EFHB: variants seen among roughly 807,000 people sequenced by gnomAD.
EFHB encodes the protein EF-hand domain family member B, also known as EF-hand domain-containing family member B.
A neutral mutation model predicts 87.2 loss-of-function variants in EFHB; 91 were observed. That is an observed-to-expected ratio of 1.04 (90% confidence interval 0.88 to 1.24). The LOEUF (loss-of-function observed/expected upper bound fraction) is 1.24. Ranked by LOEUF, EFHB falls within the 50% of genes most tolerant of loss-of-function variation. The pLI, the probability that EFHB is intolerant of heterozygous loss-of-function variation, is 0.00. For synonymous variants in EFHB, 325 were observed against 333.6 expected, an observed-to-expected ratio of 0.97 and a Z score of 0.28; for missense variants, 1,084 against 998.8, an observed-to-expected ratio of 1.09 and a Z score of -1.15.
intron 4 of EFHB, among the ~76,000 whole-genome samples, chr3:19,915,993 T>C (rs1053477822): frequency 1.3e-5 from 2 of 151,948 alleles, no homozygotes; most frequent in Non-Finnish European, 2.9e-5. Flanking sequence ...AAAAACTATA[T>C]TATCAGTTAA....
In EFHB at chr3:19,898,826, C is replaced by G. The variant is rs1348367716; in HGVS notation, c.1522G>C (p.Val508Leu). ...GCTCCAAATGTGCAGTCTGGGGGAA[C>G]ATTCATTGTTTCTGCAATGCTATCA... Reference protein sequence around the residue: ...VLDPIAETMNVPPDCTFGACL... With the variant: ...VLDPIAETMNLPPDCTFGACL... Residue 508 changes from valine (V) to leucine (L), a missense_variant, in exon 8 of 13, where the codon GTT becomes CTT. By Grantham distance (32) the Val-to-Leu change is conservative. Transcript: ENST00000295824. 1 of 1,613,736 alleles carries G rather than the reference C, an allele frequency of 6.2e-7. No homozygotes were observed. Among genetic ancestry groups the G allele is most frequent in the South Asian group, 1.1e-5 (1 of 91,002 alleles).
At chr3:19,944,486 G>C (rs1490038261) in intron 1 of EFHB, among the ~76,000 whole-genome samples, 2 of 152,116 alleles carry the variant, frequency 1.3e-5, no homozygotes, top group Admixed American at 1.3e-4. Context: ...GTTATCTGGG[G>C]CTATGAAAAA....
intron 3 of EFHB, among the ~76,000 whole-genome samples, 161 bp downstream of exon 3, chr3:19,919,672 T>TA (rs1695369042): frequency 6.6e-6 from 1 of 152,212 alleles, no homozygotes; most frequent in Admixed American, 6.5e-5. Flanking sequence ...GGCTTTTTTT[T>TA]ACTGCTCAAG....
chr3:19,885,347 G>C (rs1409858405), intron 10 of EFHB, among the ~76,000 whole-genome samples: 1 of 152,126 alleles, frequency 6.6e-6, no homozygotes, highest in Non-Finnish European at 1.5e-5. Context: ...TACTTGACTG[G>C]GGGGAGCATG....
rs371822146 is a variant in EFHB at position 19,882,650 on chromosome 3, T to C, written c.2228A>G (p.Tyr743Cys). 7.4e-6 allele frequency: 12 copies of C among 1,613,684 alleles called. 1 individual carries two copies. The African/African-American group carries it at 1.5e-4, about 20-fold the overall frequency. The change falls in exon 12 of 13, where the codon TAT becomes TGT. Residue 743 changes from tyrosine (Y) to cysteine (C), a missense_variant. Coordinates refer to ENST00000295824, the MANE Select transcript of EFHB (RefSeq NM_144715.4). ...RIRRISDRTNYGEEGSAYSLL... is the reference protein window; with the variant it reads ...RIRRISDRTNCGEEGSAYSLL... The stretch of plus-strand genomic sequence containing the variant: ...TGAATATGCACTACCTTCTTCACCA[T>C]AATTAGTTCTGTCACTGATGCGACG...
intron 1 of EFHB, among the ~76,000 whole-genome samples, chr3:19,929,938 T>C (rs575801407): frequency 6.6e-6 from 1 of 152,268 alleles, no homozygotes; most frequent in African/African-American, 2.4e-5. Context: ...AGATTTCAAA[T>C]CCCACCACTT....
At chr3:19,939,383 T>C (rs1466757684) in intron 1 of EFHB, among the ~76,000 whole-genome samples, 2 of 107,806 alleles carry the variant, frequency 1.9e-5, no homozygotes, top group Admixed American at 9.2e-5. Flanking sequence ...TTTTTTTTTT[T>C]TTTTTTTTTT....
intron 3 of EFHB, 32 bp from the exon 4 acceptor site, chr3:19,918,444 A>T: frequency 6.5e-7 from 1 of 1,530,950 alleles, no homozygotes; most frequent in Non-Finnish European, 8.8e-7. Flanking sequence ...CAAATATATC[A>T]ACAAAAAAAG....
At chr3:19,937,306 T>C (rs1696047628), upstream of EFHB, among the ~76,000 whole-genome samples, 1 of 152,208 alleles carries the variant, frequency 6.6e-6, no homozygotes, top group African/African-American at 2.4e-5. Context: ...AATACAGTGT[T>C]TATAAAGTGC....
chr3:19,908,220 T>C (rs932796943), intron 5 of EFHB, among the ~76,000 whole-genome samples: 12 of 152,020 alleles, frequency 7.9e-5, no homozygotes, highest in Non-Finnish European at 1.6e-4. Flanking sequence ...TATACAAAAG[T>C]GCAAAGAAAA....
chr3:19,912,927 A>C (rs2929368), intron 5 of EFHB, among the ~76,000 whole-genome samples: 27,177 of 152,124 alleles, frequency 0.18, 2,825 homozygotes, highest in African/African-American at 0.28. Flanking sequence ...AAGAGTAAAA[A>C]ACCATATGAT....
At chr3:19,908,650 A>AAGAAAGACAGAAAGAAAGAAAGAC (rs1694951028) in intron 5 of EFHB, among the ~76,000 whole-genome samples, 1 of 149,740 alleles carries the variant, frequency 6.7e-6, no homozygotes, top group African/African-American at 2.5e-5. Flanking sequence ...GAAAGAAAGA[A>AAGAAAGACAGAAAGAAAGAAAGAC]AGAAAAAGAA....
chr3:19,933,227 T>C lies in EFHB; in HGVS notation c.789+3A>G. 1 of 1,609,800 alleles carries C rather than the reference T, an allele frequency of 6.2e-7. No individual in the cohort carries two copies. The highest frequency in any genetic ancestry group is 8.5e-7 in the Non-Finnish European group (1 of 1,177,218). ...TTCCTATGGAAAGTGGAAAAAAACT[T>C]ACACTTGGCCAGCAAGGGGTCCGAT... On this transcript the variant is annotated splice_donor_region_variant and intron_variant, in intron 1 of 12. Transcript: ENST00000295824.
At chr3:19,905,530 A>T in intron 6 of EFHB, 90 bp downstream of exon 6, 2 of 1,364,760 alleles carry the variant, frequency 1.5e-6, no homozygotes, top group Non-Finnish European at 2.0e-6. Context: ...TCATTTTATT[A>T]CCTCTTCAAA....
intron 1 of EFHB, among the ~76,000 whole-genome samples, chr3:19,927,803 T>C (rs942764024): frequency 1.3e-5 from 2 of 152,088 alleles, no homozygotes; most frequent in African/African-American, 4.8e-5. Context: ...GGGCATCAAA[T>C]ACTTTACCAT....
Position 19,879,586 on chromosome 3 carries a change from C to T in EFHB, c.*45G>A. The T allele has an allele frequency of 4.0e-6, 6 of 1,500,858 alleles. No individual in the cohort carries two copies. In the South Asian group the frequency reaches 7.0e-5, roughly 18 times the overall value. The allele number at this position is 1,500,858 out of a possible 1,614,324, so 93.0% of individuals were successfully genotyped here. Reference sequence around the variant, plus strand: ...ATGGATTCAACATTTTAGATAAACACAGAGTTAATAATTCTTTTGCTTGAA... The same window carrying T: ...ATGGATTCAACATTTTAGATAAACATAGAGTTAATAATTCTTTTGCTTGAA... On this transcript the variant is annotated 3_prime_UTR_variant, in exon 13 of 13. Transcript: ENST00000295824.
At chr3:19,919,529 A>G (rs1376368241) in intron 3 of EFHB, among the ~76,000 whole-genome samples, 4 of 152,148 alleles carry the variant, frequency 2.6e-5, no homozygotes, top group African/African-American at 9.7e-5. Flanking sequence ...TTTATTGTCT[A>G]ACACAACCTG....
In EFHB at chr3:19,915,349, A is replaced by G; in HGVS notation, c.1242T>C (p.Asn414=). Residue 414 remains asparagine, a synonymous_variant, in exon 5 of 13, where the codon AAT becomes AAC. Transcript: ENST00000295824. ...AAACAACATACAAATCATGTCCTTC[A>G]TTTCCTTCTTTAAATACTTCTTCAT... The part of the protein sequence containing the change: ...KSYEEVFKEG[N]EGHDLYVVSH... 3 of 1,613,350 alleles carry G rather than the reference A, an allele frequency of 1.9e-6. No homozygotes were observed. Among genetic ancestry groups the G allele is most frequent in the Non-Finnish European group, 2.5e-6 (3 of 1,179,548 alleles).
chr3:19,888,752 T>C (rs936967356), intron 9 of EFHB, 101 bp from the exon 10 acceptor site: 2 of 983,448 alleles, frequency 2.0e-6, no homozygotes, highest in South Asian at 1.7e-5. Flanking sequence ...CTTCATCACA[T>C]AAATTCAAAT....
Sources: allele counts gnomAD v4.1 joint callset (sites outside exome capture counted in the v4.1 genomes callset), GRCh38; gene constraint gnomAD v4.1.1; transcripts MANE v1.5; gene names NCBI Gene and HGNC (gene_info 2026-07-23, HGNC 2026-07-21).